SLC35F4: variants seen among roughly 807,000 people sequenced by gnomAD.
SLC35F4 encodes solute carrier family 35 member F4.
Under a neutral mutation model 44.2 loss-of-function variants are expected in SLC35F4, and 24 were observed. The observed-to-expected ratio is 0.54, with a 90% CI of 0.39 to 0.76. The LOEUF (loss-of-function observed/expected upper bound fraction) is 0.76, where lower values mean the gene tolerates loss of function less well. Among genes scored for constraint, SLC35F4 ranks in the 30% least tolerant of loss-of-function variants. The pLI is 0.00. For synonymous variants in SLC35F4, 238 were observed against 223.6 expected (o/e 1.06, Z -0.57); for missense variants, 562 against 586.1 (o/e 0.96, Z 0.42).
chr14:57,626,212 C>T (rs903395907), intron 1 of SLC35F4, among the ~76,000 whole-genome samples: 4 of 144,530 alleles, frequency 2.8e-5, no homozygotes, highest in South Asian at 2.4e-4. Flanking sequence ...TAGAGAAATA[C>T]GTAATGTAAA....
At chr14:57,597,832 G>C (rs1420263980) in intron 1 of SLC35F4, among the ~76,000 whole-genome samples, 1 of 152,236 alleles carries the variant, frequency 6.6e-6, no homozygotes, top group East Asian at 1.9e-4. Context: ...CAAGAGTATT[G>C]GAAATCCCAT....
In SLC35F4 at chr14:57,887,552, C is replaced by T. The variant is rs943028691; in HGVS notation, n.282+94361G>A. On this transcript the variant is annotated intron_variant and non_coding_transcript_variant, in intron 1 of 1. Transcript: ENST00000556568. ...GATGGAGCAACCTTCCTTTGAGTGACGAACGTGACCTGCAGAGGTGTCACT... is the reference window on the plus strand; with the variant it reads ...GATGGAGCAACCTTCCTTTGAGTGATGAACGTGACCTGCAGAGGTGTCACT... 3.9e-5 allele frequency among the ~76,000 whole-genome samples: 6 copies of T among 152,266 alleles called. 1 individual carries two copies. In the South Asian group the frequency reaches 6.2e-4, roughly 16 times the overall value.
chr14:57,801,347 T>C (rs1312152753), intron 1 of SLC35F4, among the ~76,000 whole-genome samples: 4 of 152,200 alleles, frequency 2.6e-5, no homozygotes, highest in Non-Finnish European at 5.9e-5. Context: ...AGGCCTGCCT[T>C]GCAAGAGCTC....
chr14:57,715,113 G>C (rs1356393982), intron 1 of SLC35F4, among the ~76,000 whole-genome samples: 1 of 152,112 alleles, frequency 6.6e-6, no homozygotes, highest in Non-Finnish European at 1.5e-5. Context: ...GTGATTCTGA[G>C]GGCTCAGTTA....
intron 1 of SLC35F4, among the ~76,000 whole-genome samples, chr14:57,908,679 A>G (rs988179676): frequency 6.6e-6 from 1 of 152,152 alleles, no homozygotes; most frequent in African/African-American, 2.4e-5. Flanking sequence ...AATTCTGGAT[A>G]TTAGCCATTT....
At chr14:57,941,325 T>C (rs1032414613) in intron 1 of SLC35F4, among the ~76,000 whole-genome samples, 1 of 152,206 alleles carries the variant, frequency 6.6e-6, no homozygotes, top group African/African-American at 2.4e-5. Flanking sequence ...TTATGGCATG[T>C]AAATATAATA....
intron 1 of SLC35F4, among the ~76,000 whole-genome samples, chr14:57,754,723 G>T (rs1305901178): frequency 6.6e-6 from 1 of 152,186 alleles, no homozygotes; most frequent in Non-Finnish European, 1.5e-5. Flanking sequence ...CCTAGCACAG[G>T]CCTCACGGCC....
At chr14:57,728,665 G>C (rs1205417015) in intron 1 of SLC35F4, among the ~76,000 whole-genome samples, 2 of 151,958 alleles carry the variant, frequency 1.3e-5, no homozygotes, top group Non-Finnish European at 2.9e-5. Context: ...GGCCAGGCTA[G>C]TCTCAGGGGG....
chr14:57,641,041 G>C (rs995983829), intron 1 of SLC35F4, among the ~76,000 whole-genome samples: 2 of 151,898 alleles, frequency 1.3e-5, no homozygotes, highest in African/African-American at 4.8e-5. Flanking sequence ...TTGCCAGAAA[G>C]CATTACCACA....
At chr14:57,865,119 G>A (rs1252165768) in intron 1 of SLC35F4, among the ~76,000 whole-genome samples, 4 of 149,204 alleles carry the variant, frequency 2.7e-5, no homozygotes, top group African/African-American at 7.5e-5. Flanking sequence ...TCTGGGGCTC[G>A]GAGACCTGAG....
At chr14:57,586,704 C>A (rs1408388913) in intron 3 of SLC35F4, among the ~76,000 whole-genome samples, 1 of 86,364 alleles carries the variant, frequency 1.2e-5, no homozygotes, top group Non-Finnish European at 2.1e-5. Context: ...GGTGACAGAG[C>A]GAGACTCTGT....
chr14:57,680,549 G>A (rs112353400), intron 1 of SLC35F4, among the ~76,000 whole-genome samples: 3 of 152,128 alleles, frequency 2.0e-5, no homozygotes, highest in South Asian at 2.1e-4. Flanking sequence ...AGAAATAAAG[G>A]GTATTCGAAA....
At chr14:57,573,113 C>G (rs1215443117) in intron 4 of SLC35F4, among the ~76,000 whole-genome samples, 2 of 146,448 alleles carry the variant, frequency 1.4e-5, no homozygotes, top group African/African-American at 5.1e-5. Context: ...TTTCGGGGGC[C>G]CTTTTGAACA....
intron 1 of SLC35F4, among the ~76,000 whole-genome samples, chr14:57,799,856 C>T (rs1053426021): frequency 1.3e-5 from 2 of 152,178 alleles, no homozygotes; most frequent in African/African-American, 2.4e-5. Flanking sequence ...GAGCTCTGAT[C>T]TCTCCCTGAG....
upstream of SLC35F4, among the ~76,000 whole-genome samples, chr14:57,868,359 A>C (rs1888226737): frequency 6.6e-6 from 1 of 152,238 alleles, no homozygotes; most frequent in Admixed American, 6.5e-5. Context: ...AAACAGTCAA[A>C]GGTAAATTTC....
intron 1 of SLC35F4, among the ~76,000 whole-genome samples, chr14:57,743,673 T>C (rs1188579500): frequency 6.6e-6 from 1 of 152,188 alleles, no homozygotes; most frequent in Non-Finnish European, 1.5e-5. Context: ...CCATTCCTTC[T>C]GAAACTATTC....
intron 1 of SLC35F4, among the ~76,000 whole-genome samples, chr14:57,915,820 T>C (rs1889317357): frequency 6.6e-6 from 1 of 152,190 alleles, no homozygotes; most frequent in African/African-American, 2.4e-5. Context: ...CTTTTTCCAG[T>C]TCTGGGGTCT....
At chr14:57,612,382 C>T (rs149826640) in intron 1 of SLC35F4, among the ~76,000 whole-genome samples, 192 of 152,244 alleles carry the variant, frequency 1.3e-3, no homozygotes, top group African/African-American at 4.1e-3. Flanking sequence ...GGTTGATGAC[C>T]GCTTCTCCCC....
chr14:57,572,556 C>A (rs545466622), intron 4 of SLC35F4, among the ~76,000 whole-genome samples: 9 of 152,226 alleles, frequency 5.9e-5, no homozygotes, highest in Admixed American at 2.0e-4. Context: ...AAAATAAATT[C>A]TCATAGAGAT....
Sources: allele counts gnomAD v4.1 joint callset (sites outside exome capture counted in the v4.1 genomes callset), GRCh38; gene constraint gnomAD v4.1.1; transcripts MANE v1.5; gene names NCBI Gene and HGNC (gene_info 2026-07-23, HGNC 2026-07-21).